Variants in MEI4 observed in about 807,000 individuals in gnomAD.
MEI4 encodes the protein meiosis-specific protein MEI4.
MEI4 carries 27 observed loss-of-function variants against 31.4 expected under a neutral mutation model. The ratio of observed to expected loss-of-function variants is 0.86; its 90% CI spans 0.63 to 1.19. The LOEUF is 1.19. MEI4 is among the 50% of genes most tolerant of loss of function. MEI4 has a pLI of 0.00. For missense variants in MEI4, 329 were observed against 398.9 expected, an observed-to-expected ratio of 0.82 and a Z score of 1.49; for synonymous variants, 122 against 145.4, an observed-to-expected ratio of 0.84 and a Z score of 1.16.
rs539579729 is a variant in MEI4, at chr6:77,797,964, T to TCA, written c.769-30958_769-30957dup. ...CATCACACTTAGTAAAGTAAGAGTC[T>TCA]CACACACACAAGCCTATGTATGTTC... On this transcript the variant is annotated intron_variant, in intron 3 of 4. Transcript: ENST00000684080. 5.2e-3 allele frequency among the ~76,000 whole-genome samples: 798 copies of TCA among 152,196 alleles called. 9 individuals are homozygous for TCA. The highest frequency in any genetic ancestry group is 7.8e-3 in the Non-Finnish European group (529 of 68,002).
In MEI4 at chr6:77,690,976, G is replaced by A. The variant is rs976439259; in HGVS notation, c.232+73G>A. 1.9e-5 allele frequency: 15 copies of A among 801,862 alleles called. No homozygotes were observed. The Middle Eastern group carries it at 1.7e-3, about 89-fold the overall frequency. 49.7% of individuals were successfully genotyped at this position (801,862 alleles called of 1,614,324 possible). On this transcript the variant is annotated intron_variant, in intron 2 of 4. Transcript: ENST00000684080. ...TTCAGTTGCACAATTATTTAGAAAT[G>A]TATTCCCAAAACATGAAAATTTTTA... is the stretch of plus-strand genomic sequence containing the variant.
intron 4 of MEI4, among the ~76,000 whole-genome samples, chr6:77,879,752 C>A (rs1055882823): frequency 1.3e-5 from 2 of 152,074 alleles, no homozygotes; most frequent in Admixed American, 1.3e-4. Context: ...GAGAACATGC[C>A]ATGTTAGGAA....
In MEI4 at chr6:77,717,044, G is replaced by A. The variant is rs1766598323; in HGVS notation, c.232+26141G>A. Among the ~76,000 whole-genome samples, 2 of 147,492 alleles carry A rather than the reference G, an allele frequency of 1.4e-5. 1 individual carries two copies. The highest frequency in any genetic ancestry group is 3.0e-5 in the Non-Finnish European group (2 of 66,984). ...GACACAGAGACAAAGTATAGAGAAA[G>A]AAATAAGGGGACCCGGGGAACCAGC... On this transcript the variant is annotated intron_variant, in intron 2 of 4. Transcript: ENST00000684080.
At chr6:77,716,673 G>A (rs1464811424) in intron 2 of MEI4, 1 of 157,594 alleles carries the variant, frequency 6.3e-6, no homozygotes, top group East Asian at 1.9e-4. Context: ...AAGGTAAGTA[G>A]AAAAGGTGAA....
intron 4 of MEI4, 126 bp downstream of exon 4, chr6:77,829,188 A>G (rs994276736): frequency 1.4e-6 from 1 of 699,036 alleles, no homozygotes; most frequent in Non-Finnish European, 2.0e-6. Context: ...TGTCTAATAT[A>G]TGTGAGTAAT....
At chr6:77,846,206 G>C (rs1040386288) in intron 4 of MEI4, among the ~76,000 whole-genome samples, 1 of 151,736 alleles carries the variant, frequency 6.6e-6, no homozygotes, top group South Asian at 2.1e-4. Context: ...TCTACCTCCC[G>C]GGTTCACGCC....
At chr6:77,910,741 A>G (rs1043643027) in intron 4 of MEI4, among the ~76,000 whole-genome samples, 1 of 152,132 alleles carries the variant, frequency 6.6e-6, no homozygotes, top group South Asian at 2.1e-4. Flanking sequence ...TGATGCAGGT[A>G]TCCTTTTGAG....
At chr6:77,856,115 G>A (rs1039950443) in intron 4 of MEI4, among the ~76,000 whole-genome samples, 3 of 151,958 alleles carry the variant, frequency 2.0e-5, no homozygotes, top group African/African-American at 7.3e-5. Context: ...TCCTTTCTCT[G>A]GCAAGAATTT....
intron 2 of MEI4, among the ~76,000 whole-genome samples, chr6:77,706,991 A>ATTGTT (rs1766346724): frequency 6.7e-6 from 1 of 148,904 alleles, no homozygotes; most frequent in Non-Finnish European, 1.5e-5. Context: ...GGTACTAAAC[A>ATTGTT]ATGTGACGTT....
intron 4 of MEI4, among the ~76,000 whole-genome samples, chr6:77,872,260 T>C (rs1771213264): frequency 6.6e-6 from 1 of 152,138 alleles, no homozygotes; most frequent in East Asian, 1.9e-4. Context: ...GCTGGTCTTT[T>C]CTCATGTTCA....
intron 2 of MEI4, among the ~76,000 whole-genome samples, chr6:77,727,489 G>A (rs996197766): frequency 6.6e-6 from 1 of 152,152 alleles, no homozygotes; most frequent in Non-Finnish European, 1.5e-5. Flanking sequence ...ATAAGAAGAA[G>A]GTGTTGGAAG....
At chr6:77,911,558 G>A (rs931184815) in intron 4 of MEI4, among the ~76,000 whole-genome samples, 17 of 151,684 alleles carry the variant, frequency 1.1e-4, no homozygotes, top group Non-Finnish European at 1.9e-4. Flanking sequence ...GAAAATGTGT[G>A]GTATTTGGTT....
At chr6:77,749,463 G>T (rs1011895230) in intron 2 of MEI4, among the ~76,000 whole-genome samples, 1 of 152,078 alleles carries the variant, frequency 6.6e-6, no homozygotes, top group Non-Finnish European at 1.5e-5. Flanking sequence ...TGAGAACTTC[G>T]TGAAGCCTAC....
chr6:77,771,440 T>C (rs917326929), intron 3 of MEI4, among the ~76,000 whole-genome samples: 3 of 152,116 alleles, frequency 2.0e-5, no homozygotes, highest in East Asian at 1.9e-4. Context: ...TTATTGGGTA[T>C]ATACCCAAAG....
chr6:77,875,516 C>G (rs1771313117), intron 4 of MEI4, among the ~76,000 whole-genome samples: 1 of 152,170 alleles, frequency 6.6e-6, no homozygotes. Context: ...TTTTAAATCT[C>G]TGAAACCTTG....
At chr6:77,658,835 A>G (rs2127641509) in intron 1 of MEI4, among the ~76,000 whole-genome samples, 1 of 152,316 alleles carries the variant, frequency 6.6e-6, no homozygotes, top group East Asian at 1.9e-4. Context: ...GAGAGTGCCC[A>G]AGGGGGTTCA....
At chr6:77,732,806 A>G (rs933585316) in intron 2 of MEI4, among the ~76,000 whole-genome samples, 8 of 152,058 alleles carry the variant, frequency 5.3e-5, no homozygotes, top group African/African-American at 1.2e-4. Context: ...CGTCCCATCA[A>G]TACCTAATTT....
chr6:77,875,487 T>C (rs1213831772), intron 4 of MEI4, among the ~76,000 whole-genome samples: 2 of 152,192 alleles, frequency 1.3e-5, no homozygotes, highest in Non-Finnish European at 2.9e-5. Flanking sequence ...GTAAAAGATA[T>C]AGGACCCTTC....
chr6:77,816,679 T>C (rs1167943041), intron 3 of MEI4, among the ~76,000 whole-genome samples: 1 of 152,142 alleles, frequency 6.6e-6, no homozygotes, highest in Admixed American at 6.6e-5. Flanking sequence ...CTGGGTCAAA[T>C]GGTATTTCTC....
Sources: allele counts gnomAD v4.1 joint callset (sites outside exome capture counted in the v4.1 genomes callset), GRCh38; gene constraint gnomAD v4.1.1; transcripts MANE v1.5; gene names NCBI Gene and HGNC (gene_info 2026-07-23, HGNC 2026-07-21).